The following OPCML variants were observed in gnomAD, a reference collection of about 807,000 sequenced individuals.
The protein encoded by OPCML is opioid binding protein/cell adhesion molecule like, also known as opioid-binding protein/cell adhesion molecule.
In OPCML, 13 loss-of-function variants were observed where a neutral mutation model predicts 37.8. The ratio of observed to expected loss-of-function variants is 0.34; its 90% confidence interval spans 0.22 to 0.55. The LOEUF is 0.55. Among genes scored for constraint, OPCML ranks in the 20% least tolerant of loss-of-function variants. OPCML has a pLI of 0.91. For synonymous variants in OPCML, 176 were observed against 168.8 expected (o/e 1.04, Z -0.33); for missense variants, 341 against 435.6 (o/e 0.78, Z 1.93).
At chr11:133,414,996 A>C (rs1007820492) in intron 1 of OPCML, among the ~76,000 whole-genome samples, 1 of 152,200 alleles carries the variant, frequency 6.6e-6, no homozygotes, top group Admixed American at 6.5e-5. Context: ...TCAACAACTC[A>C]ATTCAACAAG....
At chr11:132,634,171 C>A (rs1011356022) in intron 3 of OPCML, among the ~76,000 whole-genome samples, 1 of 152,184 alleles carries the variant, frequency 6.6e-6, no homozygotes, top group Non-Finnish European at 1.5e-5. Context: ...GATTTGATGG[C>A]CTGGCTATGC....
chr11:133,018,222 T>C (rs896242423), intron 1 of OPCML, among the ~76,000 whole-genome samples: 23 of 152,168 alleles, frequency 1.5e-4, no homozygotes, highest in African/African-American at 5.3e-4. Flanking sequence ...ACATAATTCA[T>C]CTGGAGCAAA....
In OPCML at chr11:133,411,988, AC is replaced by A. The variant is rs149629283; in HGVS notation, c.61+120275del. ...TCATGGAGGCAGCTACTTATTTGCC[AC>A]CCCCTCCAGATCTGTCTATCCATTT... On this transcript the variant is annotated intron_variant, in intron 1 of 7. Transcript: ENST00000524381. Among the ~76,000 whole-genome samples the A allele has an allele frequency of 4.6e-3, 695 of 152,094 alleles. 5 individuals are homozygous for A. The highest frequency in any genetic ancestry group is 0.016 in the African/African-American group (662 of 41,502).
chr11:133,002,604 C>T (rs1297113794), intron 1 of OPCML, among the ~76,000 whole-genome samples: 1 of 152,162 alleles, frequency 6.6e-6, no homozygotes, highest in Non-Finnish European at 1.5e-5. Flanking sequence ...TAAAAGTTCT[C>T]AGTAAGCTTT....
chr11:132,969,153 GC>G (rs1474324243), intron 1 of OPCML, among the ~76,000 whole-genome samples: 1 of 124,998 alleles, frequency 8.0e-6, no homozygotes, highest in East Asian at 2.7e-4. Context: ...TCATTCTTAT[GC>G]CATTGCATTA....
At chr11:132,631,584 C>G (rs1591647235) in intron 3 of OPCML, among the ~76,000 whole-genome samples, 1 of 150,876 alleles carries the variant, frequency 6.6e-6, no homozygotes, top group South Asian at 2.1e-4. Context: ...CTCAGCCTCC[C>G]GAGTAGCTGG....
chr11:133,207,249 G>C (rs1037155378), intron 1 of OPCML, among the ~76,000 whole-genome samples: 4 of 151,948 alleles, frequency 2.6e-5, no homozygotes, highest in Admixed American at 6.6e-5. Context: ...GTAGTGAGCC[G>C]AGATCAAGCC....
At chr11:132,484,371 C>T (rs1156880222) in intron 4 of OPCML, among the ~76,000 whole-genome samples, 1 of 152,166 alleles carries the variant, frequency 6.6e-6, no homozygotes, top group African/African-American at 2.4e-5. Flanking sequence ...CAATGAGATA[C>T]CATCTCACAC....
chr11:133,219,487 G>A (rs894100300), intron 1 of OPCML, among the ~76,000 whole-genome samples: 4 of 152,190 alleles, frequency 2.6e-5, no homozygotes, highest in African/African-American at 7.2e-5. Flanking sequence ...CCTGTGGCAA[G>A]TGGCTACCAT....
intron 4 of OPCML, among the ~76,000 whole-genome samples, chr11:132,447,203 G>A (rs947640885): frequency 1.3e-5 from 2 of 152,228 alleles, no homozygotes; most frequent in Non-Finnish European, 2.9e-5. Flanking sequence ...TATTCGTATA[G>A]CAGTGTCAGG....
intron 1 of OPCML, among the ~76,000 whole-genome samples, chr11:132,994,071 C>T (rs1395038723): frequency 6.6e-6 from 1 of 152,216 alleles, no homozygotes; most frequent in Non-Finnish European, 1.5e-5. Context: ...GGACACCAGC[C>T]TTGTGGTTAA....
intron 1 of OPCML, among the ~76,000 whole-genome samples, chr11:133,465,796 G>A (rs761767733): frequency 8.5e-5 from 13 of 152,134 alleles, no homozygotes; most frequent in Non-Finnish European, 1.9e-4. Context: ...AAGGGACACT[G>A]GGAGGACTAA....
intron 1 of OPCML, among the ~76,000 whole-genome samples, chr11:133,328,851 G>A (rs1386953125): frequency 6.6e-6 from 1 of 152,124 alleles, no homozygotes; most frequent in Non-Finnish European, 1.5e-5. Context: ...GGCAGGAGAA[G>A]GAAATAAAGG....
intron 1 of OPCML, among the ~76,000 whole-genome samples, chr11:133,141,753 A>C (rs1592044077): frequency 6.6e-6 from 1 of 152,018 alleles, no homozygotes; most frequent in East Asian, 1.9e-4. Flanking sequence ...TTCCCTTCCC[A>C]CTCAAATGTT....
intron 1 of OPCML, among the ~76,000 whole-genome samples, chr11:133,079,493 A>G (rs1948675124): frequency 6.6e-6 from 1 of 152,196 alleles, no homozygotes; most frequent in Non-Finnish European, 1.5e-5. Context: ...AGATAAATCA[A>G]AAATCTCTAT....
chr11:133,388,731 C>T (rs1020892904), intron 1 of OPCML, among the ~76,000 whole-genome samples: 46 of 152,272 alleles, frequency 3.0e-4, no homozygotes, highest in African/African-American at 1.1e-3. Context: ...CATTCTTACT[C>T]TCTGACTGAG....
intron 2 of OPCML, among the ~76,000 whole-genome samples, chr11:132,863,018 C>T (rs1942370887): frequency 2.0e-5 from 3 of 152,192 alleles, no homozygotes; most frequent in African/African-American, 7.2e-5. Context: ...TAAGGTGACT[C>T]TCTGCATACA....
chr11:133,042,625 G>A (rs192309586), intron 1 of OPCML, among the ~76,000 whole-genome samples: 83 of 152,274 alleles, frequency 5.5e-4, no homozygotes, highest in African/African-American at 1.4e-3. Context: ...GTTAGTGAGC[G>A]GTCTAGGTTA....
At chr11:132,877,351 T>G (rs10791261) in intron 2 of OPCML, among the ~76,000 whole-genome samples, 59,925 of 151,978 alleles carry the variant, frequency 0.39, 12,651 homozygotes, top group Non-Finnish European at 0.48. Context: ...GGTGAGGTCT[T>G]CAGGTAACAG....
Sources: allele counts gnomAD v4.1 joint callset (sites outside exome capture counted in the v4.1 genomes callset), GRCh38; gene constraint gnomAD v4.1.1; transcripts MANE v1.5; gene names NCBI Gene and HGNC (gene_info 2026-07-23, HGNC 2026-07-21).